LRRK2: variants seen among roughly 807,000 people sequenced by gnomAD.
The protein encoded by LRRK2 is leucine rich repeat kinase 2.
LRRK2 carries 203 observed loss-of-function variants against 302.6 expected under a neutral mutation model. That is an observed-to-expected ratio of 0.67 (90% CI 0.60 to 0.75). LRRK2 has a LOEUF of 0.75. Ranked by LOEUF, LRRK2 falls within the 30% of genes least tolerant of loss-of-function variation. The pLI, the probability that LRRK2 is intolerant of heterozygous loss-of-function variation, is 0.00. For synonymous variants in LRRK2, 1,066 were observed against 1,031.9 expected, an observed-to-expected ratio of 1.03 and a Z score of -0.63; for missense variants, 2,830 against 2,951.0, an observed-to-expected ratio of 0.96 and a Z score of 0.95.
chr12:40,281,558 A>G (rs893822916), intron 18 of LRRK2, among the ~76,000 whole-genome samples: 11 of 152,372 alleles, frequency 7.2e-5, no homozygotes, highest in Middle Eastern at 6.8e-3. Context: ...AAATGTAAAA[A>G]TAAATATCTG....
chr12:40,238,630 G>T (rs185900890), intron 5 of LRRK2, among the ~76,000 whole-genome samples: 2 of 152,208 alleles, frequency 1.3e-5, no homozygotes, highest in Admixed American at 6.5e-5. Flanking sequence ...GGAGGAAGTG[G>T]GTCACAGCAG....
At chr12:40,341,222 A>C (rs1296498903) in intron 41 of LRRK2, among the ~76,000 whole-genome samples, 1 of 152,188 alleles carries the variant, frequency 6.6e-6, no homozygotes, top group Admixed American at 6.5e-5. Context: ...GGGAAACTTT[A>C]TATAGTTAGT....
At chr12:40,354,764 A>T (rs1010718301) in intron 45 of LRRK2, among the ~76,000 whole-genome samples, 1 of 152,010 alleles carries the variant, frequency 6.6e-6, no homozygotes, top group African/African-American at 2.4e-5. Flanking sequence ...CTATCTCTTT[A>T]CTTCTCCTCA....
intron 7 of LRRK2, among the ~76,000 whole-genome samples, chr12:40,246,791 T>C (rs1184684435): frequency 6.6e-6 from 1 of 152,170 alleles, no homozygotes; most frequent in Non-Finnish European, 1.5e-5. Context: ...AACTGGTTTG[T>C]TGAATGCAGC....
At chr12:40,322,277 G>A in intron 36 of LRRK2, 42 bp from the exon 37 acceptor site, 1 of 1,604,856 alleles carries the variant, frequency 6.2e-7, no homozygotes. Flanking sequence ...GCGACAGTAT[G>A]AGGTTTAGAC....
intron 26 of LRRK2, 108 bp downstream of exon 26, chr12:40,302,990 C>G: frequency 1.3e-6 from 1 of 765,422 alleles, no homozygotes; most frequent in South Asian, 1.6e-5. Flanking sequence ...TAAACCTACT[C>G]AACTTGATGT....
chr12:40,253,596 T>C (rs1942376428), intron 11 of LRRK2, among the ~76,000 whole-genome samples: 1 of 152,186 alleles, frequency 6.6e-6, no homozygotes, highest in African/African-American at 2.4e-5. Flanking sequence ...CAGGCTGGTC[T>C]CGAATTCCTG....
chr12:40,279,348 G>T (rs1030710451), intron 18 of LRRK2, among the ~76,000 whole-genome samples: 1 of 151,344 alleles, frequency 6.6e-6, no homozygotes, highest in African/African-American at 2.4e-5. Flanking sequence ...AAAAGAAAAA[G>T]AATTTGTAAC....
At chr12:40,352,632 G>A (rs1252478849) in intron 44 of LRRK2, among the ~76,000 whole-genome samples, 1 of 149,930 alleles carries the variant, frequency 6.7e-6, no homozygotes. Flanking sequence ...TTGTGTCCCT[G>A]GGTACTTGAG....
chr12:40,365,859 G>C (rs1946863591), intron 49 of LRRK2: 1 of 151,904 alleles, frequency 6.6e-6, no homozygotes. Context: ...TTGCACAGGA[G>C]TTACAATTAG....
chr12:40,237,807 C>G (rs979601248), intron 4 of LRRK2, among the ~76,000 whole-genome samples, 162 bp from the exon 5 acceptor site: 2 of 142,096 alleles, frequency 1.4e-5, no homozygotes, highest in African/African-American at 5.1e-5. Flanking sequence ...ACATCTAGGG[C>G]AGTTAAGTAG....
chr12:40,293,676 G>C lies in LRRK2; in HGVS notation c.2808+13G>C. On this transcript the variant is annotated intron_variant, in intron 21 of 50. Coordinates refer to ENST00000298910, the MANE Select transcript of LRRK2 (RefSeq NM_198578.4). ...TTCCAATTCCTTGGTAAGTTAAATT[G>C]TGCAATTGTGATTATGTTGTGTTTT... 1 of 1,525,424 alleles carries C rather than the reference G, an allele frequency of 6.6e-7. No homozygotes were observed. The highest frequency in any genetic ancestry group is 1.4e-5 in the African/African-American group (1 of 73,112). 94.5% of individuals were successfully genotyped at this position (1,525,424 alleles called of 1,614,324 possible).
At chr12:40,310,287 G>A in intron 30 of LRRK2, 144 bp from the exon 31 acceptor site, 2 of 811,956 alleles carry the variant, frequency 2.5e-6, no homozygotes, top group Non-Finnish European at 4.1e-6. Context: ...AAGGAAAAAA[G>A]GACAGTTGTT....
chr12:40,253,353 T>A (rs1019951081), intron 11 of LRRK2, among the ~76,000 whole-genome samples: 1 of 152,188 alleles, frequency 6.6e-6, no homozygotes, highest in African/African-American at 2.4e-5. Context: ...GATACATGTG[T>A]ATTCTCACAT....
intron 14 of LRRK2, among the ~76,000 whole-genome samples, chr12:40,268,064 T>TA (rs1211092023): frequency 1.3e-5 from 2 of 152,304 alleles, no homozygotes; most frequent in South Asian, 2.1e-4. Flanking sequence ...AAGCTGAAGT[T>TA]AAAATCTCTG....
intron 2 of LRRK2, among the ~76,000 whole-genome samples, chr12:40,230,389 C>G (rs924236429): frequency 3.9e-5 from 6 of 152,118 alleles, no homozygotes; most frequent in African/African-American, 1.4e-4. Flanking sequence ...TCATTCAACT[C>G]CTTGCAATAT....
chr12:40,244,604 ATCAATATTGTTCACAGGATAGTCTGTCT>A (rs1941887924), intron 7 of LRRK2, among the ~76,000 whole-genome samples: 1 of 151,868 alleles, frequency 6.6e-6, no homozygotes, highest in Admixed American at 6.6e-5. Context: ...TCTGTCATTT[ATCAATATTGTTCACAGGATAGTCTGTCT>A]TTTTAAAACC....
intron 1 of LRRK2, 56 bp downstream of exon 1, chr12:40,225,338 T>TA (rs1364859218): frequency 1.9e-6 from 3 of 1,595,006 alleles, no homozygotes; most frequent in African/African-American, 1.3e-5. Flanking sequence ...TCCCCCTCCT[T>TA]ACATTTGCAA....
chr12:40,302,316 T>C (rs1479335776), intron 25 of LRRK2, among the ~76,000 whole-genome samples: 1 of 152,174 alleles, frequency 6.6e-6, no homozygotes, highest in Admixed American at 6.5e-5. Context: ...AGAATACTTT[T>C]ATTAAATAAC....
Sources: gnomAD v4.1 joint callset for allele counts (sites outside exome capture counted in the v4.1 genomes callset) on GRCh38, gnomAD v4.1.1 for gene constraint, MANE v1.5 for transcripts, NCBI Gene and HGNC (gene_info 2026-07-23, HGNC 2026-07-21) for gene names.